The following ELP2 variants were observed in gnomAD, a reference collection of about 807,000 sequenced individuals.
The protein encoded by ELP2 is elongator acetyltransferase complex subunit 2, also known as elongator complex protein 2.
Under a neutral mutation model 119.2 loss-of-function variants are expected in ELP2, and 90 were observed. The ratio of observed to expected loss-of-function variants is 0.75; its 90% CI spans 0.64 to 0.90. The LOEUF is 0.90. ELP2 is among the 40% of genes least tolerant of loss of function. ELP2 has a pLI of 0.00. For missense variants in ELP2, 921 were observed against 967.8 expected (o/e 0.95, Z 0.64); for synonymous variants, 339 against 331.0 (o/e 1.02, Z -0.26).
intron 6 of ELP2, among the ~76,000 whole-genome samples, chr18:36,141,990 C>T (rs907574661): frequency 6.6e-6 from 1 of 152,080 alleles, no homozygotes; most frequent in African/African-American, 2.4e-5. Flanking sequence ...CACTGCCCAA[C>T]CCACCTTTTT....
chr18:36,159,816 C>G lies in ELP2; in HGVS notation c.1616C>G (p.Pro539Arg). Reference protein sequence around the residue: ...GFEYQQVAFQPSILTEPPTED... With the variant: ...GFEYQQVAFQRSILTEPPTED... ...GAGTATCAGCAGGTGGCCTTTCAGCCCTCCATACTTACTGGTAAGATGTGA... is the reference window on the plus strand; with the variant it reads ...GAGTATCAGCAGGTGGCCTTTCAGCGCTCCATACTTACTGGTAAGATGTGA... The change falls in exon 15 of 22, where the codon CCC becomes CGC. Residue 539 changes from proline to arginine, a missense_variant. Pro to Arg is a moderately radical substitution (Grantham distance 103, BLOSUM62 -2). Transcript: ENST00000358232. 1 of 1,613,746 alleles carries G rather than the reference C, an allele frequency of 6.2e-7. No individual in the cohort carries two copies. Among genetic ancestry groups the G allele is most frequent in the Non-Finnish European group, 8.5e-7 (1 of 1,179,744 alleles).
At chr18:36,144,127 A>G (rs1028585729) in intron 8 of ELP2, among the ~76,000 whole-genome samples, 1 of 152,164 alleles carries the variant, frequency 6.6e-6, no homozygotes, top group African/African-American at 2.4e-5. Flanking sequence ...CTTGGTGGTA[A>G]AGTCCATCAG....
rs1459658615 is a variant in ELP2, at chr18:36,167,223, G to A, written c.2076+1G>A. On this transcript the variant is annotated splice_donor_variant, in intron 19 of 21. Transcript: ENST00000358232. LOFTEE classifies it high-confidence loss of function. ...CTTCACTGGGAGTCGAGACAAAAAG[G>A]TAATTATTTAAAAATTTAATATTTT... 1 of 1,577,636 alleles carries A rather than the reference G, an allele frequency of 6.3e-7. No individual in the cohort carries two copies. Among genetic ancestry groups the A allele is most frequent in the Admixed American group, 1.7e-5 (1 of 58,248 alleles).
At chr18:36,164,744 A>G in intron 18 of ELP2, 77 bp downstream of exon 18, 1 of 1,403,148 alleles carries the variant, frequency 7.1e-7, no homozygotes. Flanking sequence ...AGCTTTAGTT[A>G]AGAGAAAGAT....
In ELP2 at chr18:36,142,313, G is replaced by T. The variant is rs747224618; in HGVS notation, c.621G>T (p.Glu207Asp). 1.9e-6 allele frequency: 3 copies of T among 1,613,882 alleles called. No individual in the cohort carries two copies. The African/African-American group carries it at 4.0e-5, about 22-fold the overall frequency. The change falls in exon 7 of 22, where the codon GAG (glutamate) becomes GAT (aspartate). Residue 207 changes from glutamate (E) to aspartate (D), a missense_variant. Coordinates refer to ENST00000358232, the MANE Select transcript of ELP2 (RefSeq NM_018255.4). ...AAGTGCTTTCTCTCTGTGGACATGA[G>T]GATTGGATTAGAGGAGTGGAATGGG... ...FQKVLSLCGHEDWIRGVEWAA... is the reference protein window; with the variant it reads ...FQKVLSLCGHDDWIRGVEWAA...
chr18:36,132,534 G>T (rs1249293808), intron 1 of ELP2, among the ~76,000 whole-genome samples: 1 of 152,218 alleles, frequency 6.6e-6, no homozygotes, highest in African/African-American at 2.4e-5. Context: ...GATAGAGAAA[G>T]GGGCTGTAAA....
In ELP2 at chr18:36,159,733, A is replaced by G; in HGVS notation, c.1535-2A>G. On this transcript the variant is annotated splice_acceptor_variant, in intron 14 of 21. Transcript: ENST00000358232. LOFTEE classifies it high-confidence loss of function. ...TATTCTTGATGTGTTTCTTCAAACT[A>G]GGAGATATAGCTTCTCAGCCTTCTG... 2 of 1,607,908 alleles carry G rather than the reference A, an allele frequency of 1.2e-6. No homozygotes were observed. The highest frequency in any genetic ancestry group is 1.1e-5 in the South Asian group (1 of 90,940).
At position 36,139,417 on chromosome 18, in the gene ELP2, A is replaced by G. The variant is rs547037994; in HGVS notation, c.523+545A>G. On this transcript the variant is annotated intron_variant, in intron 5 of 21. Transcript: ENST00000358232. ...AGTGAGTCAGCCTCTTTGCCTCCAC[A>G]GTTACCTGGAAGACTGGCCAGGTGG... 2.0e-6 allele frequency: 3 copies of G among 1,535,308 alleles called. No individual in the cohort carries two copies. The highest frequency in any genetic ancestry group is 2.6e-6 in the Non-Finnish European group (3 of 1,146,786).
In ELP2 at chr18:36,129,944, C is replaced by T. The variant is rs974667110; in HGVS notation, c.11C>T (p.Pro4Leu). Residue 4 changes from proline (P) to leucine (L), a missense_variant, in exon 1 of 22, where the codon CCC (proline) becomes CTC (leucine). Physicochemically the swap from Pro to Leu is moderately conservative, Grantham distance 98. Coordinates refer to ENST00000358232, the MANE Select transcript of ELP2 (RefSeq NM_018255.4). ...TGACCAGTTGGCGACATGGTGGCAC[C>T]CGTGCTGGAGACTTCTCACGTGTTT... MVA[P>L]VLETSHVFCC... 2.5e-6 allele frequency: 4 copies of T among 1,614,100 alleles called. No individual in the cohort carries two copies. The highest frequency in any genetic ancestry group is 4.5e-5 in the East Asian group (2 of 44,896).
intron 8 of ELP2, 90 bp downstream of exon 8, chr18:36,143,056 G>C: frequency 1.2e-6 from 1 of 866,712 alleles, no homozygotes; most frequent in Non-Finnish European, 1.8e-6. Context: ...GTGAAGGATA[G>C]TTTTTCACAA....
At chr18:36,138,760 G>A (rs752822541) in intron 4 of ELP2, 35 bp from the exon 5 acceptor site, 24 of 1,532,344 alleles carry the variant, frequency 1.6e-5, no homozygotes, top group Non-Finnish European at 5.4e-6. Flanking sequence ...CTCTGAGGTA[G>A]TTAGTTGTTC....
intron 18 of ELP2, among the ~76,000 whole-genome samples, chr18:36,165,765 C>T (rs1311383301): frequency 1.3e-5 from 2 of 152,016 alleles, no homozygotes; most frequent in Non-Finnish European, 2.9e-5. Flanking sequence ...GCCTGTAATC[C>T]CAGCTACTTG....
At chr18:36,168,561 A>G (rs1272394756) in intron 19 of ELP2, among the ~76,000 whole-genome samples, 1 of 152,152 alleles carries the variant, frequency 6.6e-6, no homozygotes, top group African/African-American at 2.4e-5. Context: ...GCCTCTTATA[A>G]AACCATCAGA....
intron 11 of ELP2, among the ~76,000 whole-genome samples, chr18:36,150,719 T>C (rs2144685958): frequency 6.6e-6 from 1 of 152,280 alleles, no homozygotes; most frequent in South Asian, 2.1e-4. Flanking sequence ...GCATATCCAG[T>C]TAATATTGCT....
Position 36,179,663 on chromosome 18 carries a change from G to C in ELP2, c.*5022G>C, listed in dbSNP as rs902079233. The C allele has an allele frequency of 4.6e-5, 7 of 152,126 alleles. No homozygotes were observed. The highest frequency in any genetic ancestry group is 1.4e-4 in the African/African-American group (6 of 41,408). 9.4% of individuals were successfully genotyped at this position (152,126 alleles called of 1,614,324 possible). ...GCTGACTGTCCCCAGACTGTCTCCC[G>C]ACACAGAGGGATGCAAAGGCAGCCT... On this transcript the variant is annotated 3_prime_UTR_variant, in exon 22 of 22. Transcript: ENST00000358232.
chr18:36,145,163 C>T (rs1473388375), intron 9 of ELP2, 129 bp downstream of exon 9: 4 of 759,604 alleles, frequency 5.3e-6, no homozygotes, highest in Non-Finnish European at 9.4e-6. Flanking sequence ...TTCAAGTTGA[C>T]AAAGTATAAT....
rs2091282156 is a variant in ELP2, at chr18:36,179,130, GAT to G, written c.*4491_*4492del. Reference sequence around the variant, plus strand: ...GTTGGATGGCTGCATGTGGTTGGTGGATAGAGGACTCTGAGCCCCACTCTGGT... The same window carrying G: ...GTTGGATGGCTGCATGTGGTTGGTGGAGAGGACTCTGAGCCCCACTCTGGT... On this transcript the variant is annotated 3_prime_UTR_variant, in exon 22 of 22. Transcript: ENST00000358232. 1 of 152,248 alleles carries G rather than the reference GAT, an allele frequency of 6.6e-6. No individual in the cohort carries two copies. The highest frequency in any genetic ancestry group is 1.5e-5 in the Non-Finnish European group (1 of 68,056). 9.4% of individuals were successfully genotyped at this position (152,248 alleles called of 1,614,324 possible).
intron 14 of ELP2, 53 bp from the exon 15 acceptor site, chr18:36,159,682 T>A: frequency 7.5e-7 from 1 of 1,341,766 alleles, no homozygotes; most frequent in Non-Finnish European, 1.1e-6. Flanking sequence ...TTGAGACAAG[T>A]GAAGGAGATA....
chr18:36,172,160 G>C (rs979378923), intron 21 of ELP2, among the ~76,000 whole-genome samples: 6 of 152,132 alleles, frequency 3.9e-5, no homozygotes, highest in African/African-American at 1.4e-4. Flanking sequence ...CCAGCTACTT[G>C]GGAGGGTGAA....
Sources: gnomAD v4.1 joint callset for allele counts (sites outside exome capture counted in the v4.1 genomes callset) on GRCh38, gnomAD v4.1.1 for gene constraint, MANE v1.5 for transcripts, NCBI Gene and HGNC (gene_info 2026-07-23, HGNC 2026-07-21) for gene names.